TRMT11: variants seen among roughly 807,000 people sequenced by gnomAD.
TRMT11 encodes the protein tRNA (guanine(10)-N(2))-methyltransferase TRMT11.
In TRMT11, 53 loss-of-function variants were observed where a neutral mutation model predicts 62.8. That is an observed-to-expected ratio of 0.84 (90% CI 0.68 to 1.06). The LOEUF is 1.06. TRMT11 is among the 50% of genes least tolerant of loss of function. The pLI, the probability that TRMT11 is intolerant of heterozygous loss-of-function variation, is 0.00. For missense variants in TRMT11, 556 were observed against 553.4 expected, an observed-to-expected ratio of 1.00 and a Z score of -0.05; for synonymous variants, 188 against 190.3, an observed-to-expected ratio of 0.99 and a Z score of 0.10.
intron 21 of TRMT11, among the ~76,000 whole-genome samples, chr6:126,144,167 C>G (rs571663962): frequency 1.3e-5 from 2 of 152,216 alleles, no homozygotes; most frequent in Non-Finnish European, 2.9e-5. Context: ...GCCAATTGTT[C>G]CGTTTTGTAA....
intron 1 of TRMT11, among the ~76,000 whole-genome samples, chr6:126,183,549 G>T (rs907432291): frequency 6.6e-6 from 1 of 152,170 alleles, no homozygotes; most frequent in Non-Finnish European, 1.5e-5. Flanking sequence ...GGGCAGTTTA[G>T]AAGAGTGGAG....
chr6:126,123,073 CT>C (rs1777668090), intron 21 of TRMT11, among the ~76,000 whole-genome samples: 1 of 152,072 alleles, frequency 6.6e-6, no homozygotes, highest in Admixed American at 6.6e-5. Flanking sequence ...TCTGAGTTTT[CT>C]TATCTGTAAT....
At chr6:126,259,223 G>A in the TRMT11 span, among the ~76,000 whole-genome samples, 1 of 152,176 alleles carries the variant, frequency 6.6e-6, no homozygotes, top group African/African-American at 2.4e-5. Context: ...TTGAGATGGA[G>A]TCTTACTTTA....
the TRMT11 span, among the ~76,000 whole-genome samples, chr6:126,215,582 A>C: frequency 6.6e-6 from 1 of 151,872 alleles, no homozygotes; most frequent in African/African-American, 2.4e-5. Flanking sequence ...GTGTCTCTTT[A>C]TAAGTGATGT....
At chr6:126,100,226 A>G (rs1488835226) in intron 17 of TRMT11, among the ~76,000 whole-genome samples, 1 of 152,168 alleles carries the variant, frequency 6.6e-6, no homozygotes, top group East Asian at 1.9e-4. Context: ...TTGATGATAT[A>G]AGAGGATCAT....
intron 17 of TRMT11, among the ~76,000 whole-genome samples, chr6:126,065,909 A>G (rs1248818668): frequency 6.6e-6 from 1 of 152,220 alleles, no homozygotes; most frequent in Admixed American, 6.5e-5. Flanking sequence ...TATCATGATC[A>G]TAAAAGGACC....
chr6:126,239,942 C>T, the TRMT11 span, among the ~76,000 whole-genome samples: 3 of 152,058 alleles, frequency 2.0e-5, no homozygotes, highest in Admixed American at 6.6e-5. Context: ...TCTCTTCTTG[C>T]TTCATTTCAT....
chr6:126,208,451 C>T (rs1369508558), downstream of TRMT11, among the ~76,000 whole-genome samples: 1 of 152,044 alleles, frequency 6.6e-6, no homozygotes. Context: ...TTGATTTAGA[C>T]TCAGTAAAAG....
intron 11 of TRMT11, among the ~76,000 whole-genome samples, chr6:126,017,845 A>G (rs982522522): frequency 6.6e-6 from 1 of 152,256 alleles, no homozygotes; most frequent in Admixed American, 6.5e-5. Context: ...TATGTGTTGC[A>G]ATCATGTGTA....
chr6:126,181,069 T>C (rs1200361006), intron 1 of TRMT11, among the ~76,000 whole-genome samples: 6 of 152,218 alleles, frequency 3.9e-5, no homozygotes, highest in African/African-American at 1.4e-4. Context: ...AGAGGATTTT[T>C]TTTTAAAGGA....
chr6:126,034,806 T>C (rs1473731812), intron 12 of TRMT11, among the ~76,000 whole-genome samples: 2 of 151,874 alleles, frequency 1.3e-5, no homozygotes, highest in South Asian at 2.1e-4. Context: ...AATGGGGAGA[T>C]CAAAGATTGT....
At chr6:126,225,753 C>T in the TRMT11 span, among the ~76,000 whole-genome samples, 6 of 142,506 alleles carry the variant, frequency 4.2e-5, no homozygotes, top group East Asian at 2.0e-4. Context: ...TGCAATGGCG[C>T]GATCTCGGCT....
the TRMT11 span, among the ~76,000 whole-genome samples, chr6:126,224,669 G>A: frequency 1.3e-5 from 2 of 152,294 alleles, no homozygotes; most frequent in East Asian, 1.9e-4. Flanking sequence ...ACACATGTGC[G>A]TGCCCTGGTG....
intron 17 of TRMT11, among the ~76,000 whole-genome samples, chr6:126,096,414 T>C (rs1384004231): frequency 6.6e-6 from 1 of 152,236 alleles, no homozygotes; most frequent in African/African-American, 2.4e-5. Flanking sequence ...TGGTGTTTTC[T>C]ACTTCTGTAA....
intron 2 of TRMT11, chr6:126,198,937 C>G (rs1480842656): frequency 6.6e-6 from 1 of 152,182 alleles, no homozygotes; most frequent in African/African-American, 2.4e-5. Context: ...AAGGGAGCCT[C>G]CCCTGATCTC....
intron 21 of TRMT11, among the ~76,000 whole-genome samples, chr6:126,131,589 A>G (rs1562329878): frequency 6.6e-6 from 1 of 151,954 alleles, no homozygotes; most frequent in Admixed American, 6.6e-5. Context: ...TCCCCTGTTC[A>G]TCTCTTCAAC....
At chr6:125,996,716 C>G (rs1791578884) in intron 3 of TRMT11, among the ~76,000 whole-genome samples, 1 of 152,050 alleles carries the variant, frequency 6.6e-6, no homozygotes, top group South Asian at 2.1e-4. Context: ...GCTTTTTCTT[C>G]CTGAACATTT....
At chr6:126,063,051 A>G (rs1776583907) in intron 17 of TRMT11, among the ~76,000 whole-genome samples, 2 of 152,220 alleles carry the variant, frequency 1.3e-5, no homozygotes, top group South Asian at 2.1e-4. Context: ...AATAAAGGGT[A>G]TATATCATGT....
At chr6:126,182,389 G>A (rs1354092681) in intron 1 of TRMT11, among the ~76,000 whole-genome samples, 2 of 151,904 alleles carry the variant, frequency 1.3e-5, no homozygotes, top group Admixed American at 6.6e-5. Flanking sequence ...CCCACTTCTT[G>A]GTGGTCGTTT....
Sources: allele counts gnomAD v4.1 joint callset (sites outside exome capture counted in the v4.1 genomes callset), GRCh38; gene constraint gnomAD v4.1.1; transcripts MANE v1.5; gene names NCBI Gene and HGNC (gene_info 2026-07-23, HGNC 2026-07-21).